The following DYM variants were observed in gnomAD, a reference collection of about 807,000 sequenced individuals.
The protein encoded by DYM is dyggve-Melchior-Clausen syndrome protein.
DYM carries 78 observed loss-of-function variants against 93.1 expected under a neutral mutation model. That is an observed-to-expected ratio of 0.84 (90% CI 0.70 to 1.01). DYM has a LOEUF of 1.01. Among genes scored for constraint, DYM ranks in the 50% least tolerant of loss-of-function variants. DYM has a pLI of 0.00. For synonymous variants in DYM, 321 were observed against 319.7 expected (o/e 1.00, Z -0.04); for missense variants, 789 against 845.0 (o/e 0.93, Z 0.82).
chr18:49,346,010 A>G (rs1459924120), intron 6 of DYM, among the ~76,000 whole-genome samples: 1 of 152,192 alleles, frequency 6.6e-6, no homozygotes, highest in Non-Finnish European at 1.5e-5. Context: ...GAGAAACTGA[A>G]ACCCTCTTTC....
intron 17 of DYM, among the ~76,000 whole-genome samples, chr18:49,052,988 A>T (rs2144413140): frequency 6.6e-6 from 1 of 152,370 alleles, no homozygotes; most frequent in South Asian, 2.1e-4. Context: ...CCTGTGACAC[A>T]GCTCAACAAA....
chr18:49,395,835 A>G (rs2069999907), intron 2 of DYM, among the ~76,000 whole-genome samples: 1 of 152,166 alleles, frequency 6.6e-6, no homozygotes, highest in Non-Finnish European at 1.5e-5. Flanking sequence ...TAGGTGCTAT[A>G]ATTTGGATGT....
intron 17 of DYM, chr18:49,048,302 C>T (rs1439884945): frequency 2.0e-5 from 3 of 152,178 alleles, no homozygotes; most frequent in Non-Finnish European, 4.4e-5. Flanking sequence ...CGGCCTCAAA[C>T]TTTAGAAAAC....
At chr18:49,084,339 A>G (rs952707289) in intron 17 of DYM, among the ~76,000 whole-genome samples, 1 of 152,116 alleles carries the variant, frequency 6.6e-6, no homozygotes, top group African/African-American at 2.4e-5. Context: ...TTTGATTTCA[A>G]TCCTTTCAAA....
In DYM at chr18:49,391,653, G is replaced by A. The variant is rs1391706263; in HGVS notation, c.141-8C>T. ...AAGAGTTTCAACTCACTACTGGAGA[G>A]ACAGAAGAATAAAGGTAATTAATGA... On this transcript the variant is annotated splice_polypyrimidine_tract_variant and splice_region_variant and intron_variant, in intron 2 of 17. Coordinates refer to ENST00000675505, the MANE Select transcript of DYM (RefSeq NM_001353214.3). 1 of 1,610,900 alleles carries A rather than the reference G, an allele frequency of 6.2e-7. No individual in the cohort carries two copies. Among genetic ancestry groups the A allele is most frequent in the Non-Finnish European group, 8.5e-7 (1 of 1,177,428 alleles).
chr18:49,193,183 T>A (rs1444505987), intron 14 of DYM, among the ~76,000 whole-genome samples: 3 of 151,822 alleles, frequency 2.0e-5, no homozygotes, highest in African/African-American at 7.3e-5. Context: ...AATTTGTCAA[T>A]ATATAATAAA....
intron 8 of DYM, among the ~76,000 whole-genome samples, chr18:49,318,089 C>A (rs142978278): frequency 2.0e-4 from 30 of 152,284 alleles, no homozygotes; most frequent in African/African-American, 7.0e-4. Flanking sequence ...ACACCTGATA[C>A]CCCACACCCT....
chr18:49,098,954 G>C (rs1015021659), intron 16 of DYM, among the ~76,000 whole-genome samples: 1 of 152,036 alleles, frequency 6.6e-6, no homozygotes, highest in Non-Finnish European at 1.5e-5. Context: ...TATCTTCACA[G>C]GTTGTAAACT....
intron 6 of DYM, among the ~76,000 whole-genome samples, chr18:49,341,324 C>T (rs192072316): frequency 6.6e-6 from 1 of 151,870 alleles, no homozygotes; most frequent in East Asian, 1.9e-4. Flanking sequence ...CCCCGTGAAA[C>T]TACTAAAAAT....
chr18:49,433,912 T>C (rs940774729), intron 1 of DYM, among the ~76,000 whole-genome samples: 25 of 151,982 alleles, frequency 1.6e-4, no homozygotes, highest in African/African-American at 4.8e-4. Context: ...CAACAGCTTA[T>C]AGATTTTTAA....
intron 8 of DYM, among the ~76,000 whole-genome samples, chr18:49,301,497 G>C (rs2060930713): frequency 6.6e-6 from 1 of 150,600 alleles, no homozygotes; most frequent in Non-Finnish European, 1.5e-5. Context: ...CTCCAGCCTG[G>C]GTGACAGAGT....
chr18:49,164,171 T>A (rs2087568148), intron 14 of DYM, among the ~76,000 whole-genome samples: 1 of 152,174 alleles, frequency 6.6e-6, no homozygotes, highest in Non-Finnish European at 1.5e-5. Flanking sequence ...TCTGAAAAAG[T>A]GTGTTGGACA....
At chr18:49,218,451 C>T (rs1342809061) in intron 13 of DYM, among the ~76,000 whole-genome samples, 2 of 152,212 alleles carry the variant, frequency 1.3e-5, no homozygotes, top group African/African-American at 4.8e-5. Flanking sequence ...ACAGAATATA[C>T]ATTTTTTTCA....
At chr18:49,194,941 G>A (rs2091307411) in intron 14 of DYM, among the ~76,000 whole-genome samples, 1 of 152,038 alleles carries the variant, frequency 6.6e-6, no homozygotes, top group South Asian at 2.1e-4. Context: ...TTATGCCAAA[G>A]GAAAACTTTT....
intron 11 of DYM, among the ~76,000 whole-genome samples, chr18:49,270,044 C>T (rs2094650593): frequency 1.3e-5 from 2 of 152,168 alleles, no homozygotes; most frequent in South Asian, 4.1e-4. Flanking sequence ...CAACTGCTTA[C>T]AGTATACAGT....
intron 9 of DYM, among the ~76,000 whole-genome samples, chr18:49,282,502 A>T (rs11873754): frequency 0.026 from 3,940 of 152,188 alleles, 157 homozygotes; most frequent in African/African-American, 0.088. Context: ...AATCCCAGCT[A>T]CTCAGGAGGC....
intron 8 of DYM, among the ~76,000 whole-genome samples, chr18:49,323,962 A>C (rs1351011735): frequency 6.6e-6 from 1 of 152,052 alleles, no homozygotes; most frequent in Non-Finnish European, 1.5e-5. Flanking sequence ...ACATGGTGAA[A>C]TCATGTCTCA....
chr18:49,328,430 C>T (rs1397045897), intron 8 of DYM, among the ~76,000 whole-genome samples: 1 of 152,006 alleles, frequency 6.6e-6, no homozygotes, highest in Non-Finnish European at 1.5e-5. Context: ...CTGTTCTATC[C>T]TAGTGAAGGC....
rs142049723 is a variant in DYM, at chr18:49,241,269, C to T, written c.1460+15741G>A. On this transcript the variant is annotated intron_variant, in intron 13 of 17. Coordinates refer to ENST00000675505, the MANE Select transcript of DYM (RefSeq NM_001353214.3). Reference sequence around the variant, plus strand: ...ATAAGGTAGATGATGTCTGCCTATCCTTTTCAGCTTTATCAATGTCAGGTC... The same window carrying T: ...ATAAGGTAGATGATGTCTGCCTATCTTTTTCAGCTTTATCAATGTCAGGTC... Among the ~76,000 whole-genome samples the T allele has an allele frequency of 3.7e-3, 569 of 152,290 alleles. 10 individuals are homozygous for T. Among genetic ancestry groups the T allele is most frequent in the African/African-American group, 0.013 (541 of 41,566 alleles).
Sources: gnomAD v4.1 joint callset for allele counts (sites outside exome capture counted in the v4.1 genomes callset) on GRCh38, gnomAD v4.1.1 for gene constraint, MANE v1.5 for transcripts, NCBI Gene and HGNC (gene_info 2026-07-23, HGNC 2026-07-21) for gene names.